The following PARP9 variants were observed in gnomAD, a reference collection of about 807,000 sequenced individuals.
PARP9 encodes poly(ADP-ribose) polymerase family member 9, also known as protein mono-ADP-ribosyltransferase PARP9.
A neutral mutation model predicts 68.8 loss-of-function variants in PARP9; 48 were observed. The ratio of observed to expected loss-of-function variants is 0.70; its 90% confidence interval spans 0.55 to 0.89. The LOEUF is 0.89. PARP9 is among the 40% of genes least tolerant of loss of function. PARP9 has a pLI of 0.00. For synonymous variants in PARP9, 309 were observed against 333.8 expected (o/e 0.93, Z 0.81); for missense variants, 806 against 969.3 (o/e 0.83, Z 2.24).
At chr3:122,544,502 C>G (rs1056608464) in intron 7 of PARP9, among the ~76,000 whole-genome samples, 2 of 152,106 alleles carry the variant, frequency 1.3e-5, no homozygotes, top group African/African-American at 4.8e-5. Context: ...TGCCAGGCCA[C>G]TGAACATTCC....
At position 122,528,888 on chromosome 3, in the gene PARP9, A is replaced by C. The variant is rs923911306; in HGVS notation, c.2081-145T>G. ...GAGTTCCTGTGTCTATAGCAAAGAC[A>C]CTCAAAATTGTTCCTTGAAACAAAT... On this transcript the variant is annotated intron_variant, in intron 10 of 10. Transcript: ENST00000682323. The C allele has an allele frequency of 7.3e-6, 6 of 818,660 alleles. No homozygotes were observed. The African/African-American group carries it at 8.7e-5, about 12-fold the overall frequency. The allele number at this position is 818,660 out of a possible 1,614,324, so 50.7% of individuals were successfully genotyped here.
chr3:122,552,259 T>G (rs1423791540), intron 5 of PARP9, among the ~76,000 whole-genome samples, 159 bp downstream of exon 5: 1 of 152,126 alleles, frequency 6.6e-6, no homozygotes, highest in African/African-American at 2.4e-5. Flanking sequence ...CAACTGTACC[T>G]GTTCAGTATT....
upstream of PARP9, chr3:122,564,631 A>G: frequency 1.3e-6 from 2 of 1,579,040 alleles, no homozygotes; most frequent in Non-Finnish European, 1.7e-6. Context: ...TCGGGCGGCC[A>G]GGCTGCGAAA....
chr3:122,550,525 G>A, intron 6 of PARP9, 59 bp downstream of exon 6: 1 of 1,347,732 alleles, frequency 7.4e-7, no homozygotes, highest in Non-Finnish European at 1.0e-6. Context: ...CTAAACAGAT[G>A]TTGCTGAATG....
At chr3:122,547,029 C>CAT (rs2107655343) in intron 6 of PARP9, among the ~76,000 whole-genome samples, 1 of 138,264 alleles carries the variant, frequency 7.2e-6, no homozygotes, top group East Asian at 2.0e-4. Context: ...CACACACATA[C>CAT]ACACACATAT....
intron 10 of PARP9, among the ~76,000 whole-genome samples, chr3:122,529,720 C>G (rs899462551): frequency 6.7e-6 from 1 of 148,606 alleles, no homozygotes; most frequent in Non-Finnish European, 1.5e-5. Context: ...CGCCACTGCA[C>G]TCCAGCCTGG....
Position 122,552,517 on chromosome 3 carries a change from C to G in PARP9, c.1008G>C (p.Gln336His). ...CCAGTACCAACTGGGACCGTTGAAA[C>G]TGTTTAGCCTTTGTGGCAAGAAATT... ...KSEFLATKAK[Q>H]FQRSQLVLVT... Residue 336 changes from glutamine (Q) to histidine (H), a missense_variant, in exon 5 of 11, where the codon CAG becomes CAC. Physicochemically the swap from Gln to His is conservative, Grantham distance 24. Coordinates refer to ENST00000682323, the MANE Select transcript of PARP9 (RefSeq NM_001146105.2). 6.2e-7 allele frequency: 1 copy of G among 1,614,118 alleles called. No homozygotes were observed. The highest frequency in any genetic ancestry group is 8.5e-7 in the Non-Finnish European group (1 of 1,180,004).
At chr3:122,533,743 A>C (rs2077457814) in intron 10 of PARP9, 1 of 985,406 alleles carries the variant, frequency 1.0e-6, no homozygotes, top group African/African-American at 1.7e-5. Flanking sequence ...CACTCAACCA[A>C]GTCCTACAAG....
chr3:122,531,553 C>T (rs755902024), intron 10 of PARP9, among the ~76,000 whole-genome samples: 6 of 152,046 alleles, frequency 3.9e-5, no homozygotes, highest in South Asian at 2.1e-4. Context: ...GTCAGGAGTT[C>T]GAGACCAGCC....
chr3:122,550,620 T>C lies in PARP9; in HGVS notation c.1290A>G (p.Lys430=), dbSNP rs1343344341. The change falls in exon 6 of 11, where the codon AAA becomes AAG. Residue 430 remains lysine (K), a synonymous_variant. Coordinates refer to ENST00000682323, the MANE Select transcript of PARP9 (RefSeq NM_001146105.2). The part of the protein sequence containing the change: ...KDHVKHQLTV[K]FVIFPTDLEI... ...CCAAATCTGTTGGAAAGATCACAAATTTTACAGTTAACTGGTGTTTTACAT... is the reference window on the plus strand; with the variant it reads ...CCAAATCTGTTGGAAAGATCACAAACTTTACAGTTAACTGGTGTTTTACAT... The C allele has an allele frequency of 6.2e-7, 1 of 1,613,424 alleles. No homozygotes were observed. The highest frequency in any genetic ancestry group is 1.1e-5 in the South Asian group (1 of 91,024).
chr3:122,554,158 A>G (rs1165379116), intron 4 of PARP9, among the ~76,000 whole-genome samples: 2 of 152,026 alleles, frequency 1.3e-5, no homozygotes, highest in African/African-American at 4.8e-5. Flanking sequence ...AGTCAAGCCC[A>G]TTATTTTCTG....
chr3:122,556,135 G>C lies in PARP9; in HGVS notation c.50-14C>G, dbSNP rs780155613. The C allele has an allele frequency of 1.3e-4, 19 of 145,180 alleles. No homozygotes were observed. Among genetic ancestry groups the C allele is most frequent in the Non-Finnish European group, 2.1e-4 (18 of 84,748 alleles). 9.0% of individuals were successfully genotyped at this position (145,180 alleles called of 1,614,324 possible). Reference sequence around the variant, plus strand: ...GAGCACCAGTCTCTGGAAAAGAAGAGAAGATTAAAAAAAAAAAAAAAAAAA... The same window carrying C: ...GAGCACCAGTCTCTGGAAAAGAAGACAAGATTAAAAAAAAAAAAAAAAAAA... On this transcript the variant is annotated splice_polypyrimidine_tract_variant and intron_variant, in intron 3 of 10. Transcript: ENST00000682323.
At position 122,555,392 on chromosome 3, in the gene PARP9, A is replaced by T. The variant is rs2079554898; in HGVS notation, c.779T>A (p.Ile260Asn). ...TTGTCCCAGCTCACTCTTCCCTAGG[A>T]TGAATTCTGAAGCAGCTTTAAAGGC... ...VAAFKAASEF[I>N]LGKSELGQET... Residue 260 changes from isoleucine to asparagine, a missense_variant, in exon 4 of 11, where the codon ATC becomes AAC. Ile to Asn is a moderately radical substitution (Grantham distance 149). This residue lies in a region of PARP9 where 680 missense variants were observed against 858.8 expected (regional missense o/e 0.79). Coordinates refer to ENST00000682323, the MANE Select transcript of PARP9 (RefSeq NM_001146105.2). 1 of 1,614,038 alleles carries T rather than the reference A, an allele frequency of 6.2e-7. No individual in the cohort carries two copies. The highest frequency in any genetic ancestry group is 1.3e-5 in the African/African-American group (1 of 74,922).
chr3:122,556,752 G>A (rs2079713093), intron 3 of PARP9, among the ~76,000 whole-genome samples: 1 of 151,980 alleles, frequency 6.6e-6, no homozygotes, highest in South Asian at 2.1e-4. Flanking sequence ...GGGAAACAGT[G>A]TAGATCTTGT....
intron 7 of PARP9, among the ~76,000 whole-genome samples, chr3:122,542,508 A>T (rs1178425817): frequency 6.6e-6 from 1 of 151,442 alleles, no homozygotes. Flanking sequence ...CCGGGTTCAC[A>T]CCAGGCTGTC....
chr3:122,539,413 T>C (rs1005238579), intron 8 of PARP9, among the ~76,000 whole-genome samples: 3 of 152,220 alleles, frequency 2.0e-5, no homozygotes, highest in African/African-American at 7.2e-5. Flanking sequence ...GCTGTAGTCC[T>C]TGCACCTAGC....
At chr3:122,552,662 G>T in intron 4 of PARP9, 23 bp from the exon 5 acceptor site, 2 of 1,530,274 alleles carry the variant, frequency 1.3e-6, no homozygotes, top group South Asian at 2.2e-5. Context: ...GAAAGGGTAG[G>T]ATTCATTGTT....
intron 7 of PARP9, 70 bp downstream of exon 7, chr3:122,545,362 C>T (rs536045692): frequency 1.3e-6 from 2 of 1,490,982 alleles, no homozygotes; most frequent in Non-Finnish European, 9.4e-7. Context: ...TCCGTTAGTT[C>T]AGATGATCAA....
At chr3:122,557,529 G>A (rs1309629724) in intron 3 of PARP9, among the ~76,000 whole-genome samples, 1 of 152,166 alleles carries the variant, frequency 6.6e-6, no homozygotes, top group Non-Finnish European at 1.5e-5. Flanking sequence ...GCCCCTCAGG[G>A]TTCATCTCAG....
Sources: gnomAD v4.1 joint callset for allele counts (sites outside exome capture counted in the v4.1 genomes callset) on GRCh38, gnomAD v4.1.1 for gene constraint, gnomAD v4.1.1 regional missense constraint, MANE v1.5 for transcripts, NCBI Gene and HGNC (gene_info 2026-07-23, HGNC 2026-07-21) for gene names.